The following MYMK variants were observed in gnomAD, a reference collection of about 807,000 sequenced individuals.
The protein encoded by MYMK is protein myomaker.
A neutral mutation model predicts 22.4 loss-of-function variants in MYMK; 16 were observed. The observed-to-expected ratio is 0.72, with a 90% confidence interval of 0.48 to 1.09. MYMK has a LOEUF of 1.09. Among genes scored for constraint, MYMK ranks in the 50% least tolerant of loss-of-function variants. The pLI, the probability that MYMK is intolerant of heterozygous loss-of-function variation, is 0.00. For synonymous variants in MYMK, 125 were observed against 127.0 expected (o/e 0.98, Z 0.11); for missense variants, 250 against 295.6 (o/e 0.85, Z 1.13).
chr9:133,521,183 C>T (rs977762276), intron 1 of MYMK, among the ~76,000 whole-genome samples: 6 of 152,212 alleles, frequency 3.9e-5, no homozygotes, highest in Non-Finnish European at 8.8e-5. Context: ...GTTTTCAAAG[C>T]AGTCAACTAC....
intron 1 of MYMK, among the ~76,000 whole-genome samples, chr9:133,522,346 G>GA (rs386416407): frequency 7.1e-6 from 1 of 141,378 alleles, no homozygotes; most frequent in Non-Finnish European, 1.6e-5. Context: ...TGGCTGTCGG[G>GA]GGGGGGCCTC....
chr9:133,523,682 G>GGA (rs35845164), intron 1 of MYMK, among the ~76,000 whole-genome samples: 20,397 of 120,978 alleles, frequency 0.17, 1,914 homozygotes, highest in Admixed American at 0.25. Context: ...AGAGATAGAT[G>GGA]GAGAGAGAGA....
At chr9:133,521,110 C>T (rs767642647) in intron 1 of MYMK, among the ~76,000 whole-genome samples, 27 of 152,136 alleles carry the variant, frequency 1.8e-4, no homozygotes, top group Admixed American at 4.6e-4. Context: ...CCTATACTCT[C>T]GTCGTCGCCT....
intron 4 of MYMK, 108 bp from the exon 5 acceptor site, chr9:133,514,893 G>A: frequency 1.6e-6 from 2 of 1,272,412 alleles, no homozygotes; most frequent in Non-Finnish European, 2.2e-6. Flanking sequence ...CCAGGGCACT[G>A]GGACACCTGC....
In MYMK at chr9:133,520,192, T is replaced by C. The variant is rs1844684203; in HGVS notation, c.232A>G (p.Met78Val). The C allele has an allele frequency of 6.2e-7, 1 of 1,614,016 alleles. No individual in the cohort carries two copies. Among genetic ancestry groups the C allele is most frequent in the Non-Finnish European group, 8.5e-7 (1 of 1,179,962 alleles). ...CACTCACCCATCAGCGAGACCCACA[T>C]GCTCAGGGCTGTCCCGTAGACACTG... ...YFSVYGTALS[M>V]WVSLMALADF... The change falls in exon 2 of 5, where the codon ATG (methionine) becomes GTG (valine). Residue 78 changes from methionine to valine, a missense_variant. Met to Val is a conservative substitution (Grantham distance 21, BLOSUM62 1). Coordinates refer to ENST00000339996, the MANE Select transcript of MYMK (RefSeq NM_001080483.3).
chr9:133,524,025 G>A (rs191648624), intron 1 of MYMK, among the ~76,000 whole-genome samples: 2 of 151,980 alleles, frequency 1.3e-5, no homozygotes, highest in East Asian at 1.9e-4. Context: ...GGTTCTGGGC[G>A]CTCCACTGAA....
chr9:133,523,425 G>C (rs888702804), intron 1 of MYMK, among the ~76,000 whole-genome samples: 1 of 152,126 alleles, frequency 6.6e-6, no homozygotes, highest in Non-Finnish European at 1.5e-5. Context: ...CCTCCCCAGA[G>C]CAGGTGTCAT....
rs566465211 is a variant in MYMK, at chr9:133,520,115, C to A, written c.250+59G>T. ...CGGGACTGGTTTGAGGCTGGGTGTG[C>A]GGACACTGGGGAGCCGGTCCTTGTC... is the stretch of plus-strand genomic sequence containing the variant. On this transcript the variant is annotated intron_variant, in intron 2 of 4. Transcript: ENST00000339996. 5 of 1,379,678 alleles carry A rather than the reference C, an allele frequency of 3.6e-6. No homozygotes were observed. In the Admixed American group the frequency reaches 5.1e-5, roughly 14 times the overall value. 85.5% of individuals were successfully genotyped at this position (1,379,678 alleles called of 1,614,324 possible). A position where few individuals can be genotyped will look rare whatever the true frequency, so the allele number is the denominator to read the frequency against.
At chr9:133,521,689 C>G (rs970922862) in intron 1 of MYMK, among the ~76,000 whole-genome samples, 1 of 152,144 alleles carries the variant, frequency 6.6e-6, no homozygotes, top group African/African-American at 2.4e-5. Flanking sequence ...GACTGTTTAC[C>G]TTGGGGACAG....
At chr9:133,520,431 C>T (rs943054231) in intron 1 of MYMK, 143 bp from the exon 2 acceptor site, 30 of 669,402 alleles carry the variant, frequency 4.5e-5, no homozygotes, top group Admixed American at 1.2e-4. Context: ...TCAGTCTCCC[C>T]GTCTGAAAAA....
At chr9:133,520,105 G>T in intron 2 of MYMK, 69 bp downstream of exon 2, 1 of 1,244,718 alleles carries the variant, frequency 8.0e-7, no homozygotes, top group Non-Finnish European at 1.2e-6. Flanking sequence ...CTGGTTTGAG[G>T]CTGGGTGTGC....
chr9:133,518,076 A>C (rs1419511119), intron 3 of MYMK, among the ~76,000 whole-genome samples: 1 of 152,264 alleles, frequency 6.6e-6, no homozygotes, highest in Non-Finnish European at 1.5e-5. Flanking sequence ...GAGCAGGCTC[A>C]GGCTGAAGCC....
chr9:133,522,004 G>C (rs989784853), intron 1 of MYMK, among the ~76,000 whole-genome samples: 2 of 152,234 alleles, frequency 1.3e-5, no homozygotes, highest in Non-Finnish European at 2.9e-5. Context: ...TTCAGGGAGG[G>C]GGACGCCAGG....
chr9:133,519,056 G>A lies in MYMK; in HGVS notation c.251-34C>T, dbSNP rs775124119. 4 of 1,612,420 alleles carry A rather than the reference G, an allele frequency of 2.5e-6. No homozygotes were observed. The South Asian group carries it at 3.3e-5, about 13-fold the overall frequency. ...GCCAGGGAGACACAGGGGGAGGTGA[G>A]TGGTCTCTCTTGCTCCTCCTGGCTA... On this transcript the variant is annotated intron_variant, in intron 2 of 4. Transcript: ENST00000339996.
At chr9:133,517,815 C>T (rs922374753) in intron 3 of MYMK, among the ~76,000 whole-genome samples, 5 of 152,174 alleles carry the variant, frequency 3.3e-5, no homozygotes, top group Admixed American at 6.5e-5. Context: ...AGGATTGGGA[C>T]GGGCTTTGCA....
chr9:133,516,480 G>A (rs1726325753), intron 3 of MYMK, among the ~76,000 whole-genome samples: 1 of 152,230 alleles, frequency 6.6e-6, no homozygotes, highest in South Asian at 2.1e-4. Flanking sequence ...CACAGCGTGT[G>A]GCACAAGCCC....
chr9:133,514,925 C>T (rs1428773444), intron 4 of MYMK, 140 bp from the exon 5 acceptor site: 3 of 928,730 alleles, frequency 3.2e-6, no homozygotes, highest in South Asian at 3.5e-5. Flanking sequence ...CCCACGGTCG[C>T]GCTCACAGTG....
chr9:133,518,588 G>A (rs1245739496), intron 3 of MYMK, among the ~76,000 whole-genome samples: 3 of 152,246 alleles, frequency 2.0e-5, no homozygotes, highest in Non-Finnish European at 4.4e-5. Flanking sequence ...GAGACAGGCA[G>A]GGGGCTGTAA....
In MYMK at chr9:133,515,504, C is replaced by A. The variant is rs768940494; in HGVS notation, c.503G>T (p.Arg168Leu). ...LCFGALALMLRFFFEDWDYTY... is the reference protein window; with the variant it reads ...LCFGALALMLLFFFEDWDYTY... ...TGGGCTTGGTACCTCAAAGAAGAAG[C>A]GTAGCATCAGGGCCAGCGCCCCGAA... Residue 168 changes from arginine to leucine, a missense_variant, in exon 4 of 5, where the codon CGC becomes CTC. Arg to Leu is a moderately radical substitution (Grantham distance 102). Coordinates refer to ENST00000339996, the MANE Select transcript of MYMK (RefSeq NM_001080483.3). The surrounding 1 kb of genome is among the most constrained non-coding windows in gnomAD (Gnocchi z 5.8). 6.2e-7 allele frequency: 1 copy of A among 1,611,548 alleles called. No individual in the cohort carries two copies. Among genetic ancestry groups the A allele is most frequent in the Non-Finnish European group, 8.5e-7 (1 of 1,177,864 alleles).
Sources: gnomAD v4.1 joint callset for allele counts (sites outside exome capture counted in the v4.1 genomes callset) on GRCh38, gnomAD v4.1.1 for gene constraint, Gnocchi (gnomAD v3.1) non-coding constraint, MANE v1.5 for transcripts, NCBI Gene and HGNC (gene_info 2026-07-23, HGNC 2026-07-21) for gene names.